Variants in TASP1 observed in about 807,000 individuals in gnomAD.
TASP1 encodes taspase 1, also known as threonine aspartase 1.
TASP1 carries 16 observed loss-of-function variants against 56.6 expected under a neutral mutation model. The observed-to-expected ratio is 0.28, with a 90% CI of 0.19 to 0.43. TASP1 has a LOEUF of 0.43. TASP1 is among the 20% of genes least tolerant of loss of function. TASP1 has a pLI of 1.00. For missense variants in TASP1, 393 were observed against 511.6 expected (o/e 0.77, Z 2.24); for synonymous variants, 179 against 184.2 (o/e 0.97, Z 0.23).
At chr20:13,624,635 A>C (rs2048823589) in intron 3 of TASP1, among the ~76,000 whole-genome samples, 1 of 152,170 alleles carries the variant, frequency 6.6e-6, no homozygotes, top group Non-Finnish European at 1.5e-5. Context: ...AAAAACAAAC[A>C]TTTCTTCTGA....
the TASP1 span, among the ~76,000 whole-genome samples, chr20:13,281,092 A>C: frequency 6.6e-6 from 1 of 152,242 alleles, no homozygotes; most frequent in African/African-American, 2.4e-5. Context: ...GCAAAAGAAC[A>C]AGACAAAAAT....
At chr20:13,421,568 T>C (rs976196805) in intron 12 of TASP1, among the ~76,000 whole-genome samples, 7 of 152,172 alleles carry the variant, frequency 4.6e-5, no homozygotes, top group Non-Finnish European at 1.5e-5. Context: ...GGAATATGAA[T>C]GGCTCTAAAA....
At chr20:13,146,679 C>T in the TASP1 span, among the ~76,000 whole-genome samples, 95 of 152,276 alleles carry the variant, frequency 6.2e-4, 1 homozygote, top group Middle Eastern at 3.4e-3. Context: ...ATCTGCCTTG[C>T]CTCCTGTTAG....
At chr20:13,606,949 G>A (rs968620580) in intron 4 of TASP1, among the ~76,000 whole-genome samples, 2 of 151,898 alleles carry the variant, frequency 1.3e-5, no homozygotes, top group Admixed American at 6.6e-5. Context: ...GATATAAACA[G>A]AGTAATTATT....
At chr20:13,274,000 C>T in the TASP1 span, among the ~76,000 whole-genome samples, 3 of 151,964 alleles carry the variant, frequency 2.0e-5, no homozygotes, top group Non-Finnish European at 4.4e-5. Flanking sequence ...GAAAGATGTT[C>T]AAAGAAAGAA....
At chr20:13,561,981 G>C (rs1351541385) in intron 7 of TASP1, among the ~76,000 whole-genome samples, 1 of 152,094 alleles carries the variant, frequency 6.6e-6, no homozygotes, top group Non-Finnish European at 1.5e-5. Flanking sequence ...TTCGACAACA[G>C]AATTCACATT....
At chr20:13,347,122 C>T in the TASP1 span, among the ~76,000 whole-genome samples, 2 of 152,310 alleles carry the variant, frequency 1.3e-5, no homozygotes, top group South Asian at 2.1e-4. Flanking sequence ...GTGTACAGTA[C>T]GATGCTGTTT....
chr20:13,193,480 A>T, the TASP1 span, among the ~76,000 whole-genome samples: 3 of 152,232 alleles, frequency 2.0e-5, no homozygotes, highest in Admixed American at 6.5e-5. Flanking sequence ...CCATCAAAAC[A>T]TACAAAAACA....
chr20:13,198,493 T>C, the TASP1 span, among the ~76,000 whole-genome samples: 1 of 152,186 alleles, frequency 6.6e-6, no homozygotes, highest in Admixed American at 6.5e-5. Flanking sequence ...TACTATCACA[T>C]TGAGGGTTAG....
At chr20:13,295,002 A>T in the TASP1 span, among the ~76,000 whole-genome samples, 2 of 151,868 alleles carry the variant, frequency 1.3e-5, no homozygotes, top group Non-Finnish European at 2.9e-5. Flanking sequence ...GACATGCCCA[A>T]TTTTTCTCTT....
At chr20:13,273,869 G>T in the TASP1 span, among the ~76,000 whole-genome samples, 5 of 152,200 alleles carry the variant, frequency 3.3e-5, no homozygotes, top group African/African-American at 1.2e-4. Flanking sequence ...ATACAGAGGG[G>T]TGGAGGGTGG....
At chr20:13,632,103 G>C (rs992013360) in intron 1 of TASP1, among the ~76,000 whole-genome samples, 3 of 147,942 alleles carry the variant, frequency 2.0e-5, no homozygotes, top group Admixed American at 6.8e-5. Context: ...AGTGACTCAC[G>C]CCTGTAATCC....
At chr20:13,110,310 A>G in the TASP1 span, 1 of 1,045,972 alleles carries the variant, frequency 9.6e-7, no homozygotes, top group Non-Finnish European at 1.4e-6. Flanking sequence ...AAACAGAGAA[A>G]TGACTTAGAA....
chr20:13,212,811 T>C, the TASP1 span, among the ~76,000 whole-genome samples: 2 of 152,204 alleles, frequency 1.3e-5, no homozygotes, highest in South Asian at 4.1e-4. Context: ...CTTATTCCTC[T>C]ACAAAGCTAT....
At chr20:13,179,806 A>G in the TASP1 span, among the ~76,000 whole-genome samples, 1 of 152,098 alleles carries the variant, frequency 6.6e-6, no homozygotes, top group Non-Finnish European at 1.5e-5. Flanking sequence ...AGAGCTGTCC[A>G]CTCTGGAGAG....
chr20:13,486,750 C>A (rs1366220379), intron 10 of TASP1, among the ~76,000 whole-genome samples: 1 of 152,178 alleles, frequency 6.6e-6, no homozygotes, highest in Non-Finnish European at 1.5e-5. Context: ...TATCTCTTGA[C>A]AAAATCATAC....
the TASP1 span, among the ~76,000 whole-genome samples, chr20:13,157,551 C>T: frequency 6.6e-6 from 1 of 152,096 alleles, no homozygotes; most frequent in Non-Finnish European, 1.5e-5. Context: ...ACAGCACAAC[C>T]TCTCAAGCTT....
At chr20:13,366,047 G>A in the TASP1 span, among the ~76,000 whole-genome samples, 5 of 152,304 alleles carry the variant, frequency 3.3e-5, no homozygotes, top group South Asian at 2.1e-4. Flanking sequence ...CTGGGCAAGC[G>A]AGAACAACAT....
chr20:13,440,190 A>G (rs2043165823), intron 11 of TASP1, among the ~76,000 whole-genome samples: 1 of 152,200 alleles, frequency 6.6e-6, no homozygotes, highest in Non-Finnish European at 1.5e-5. Context: ...TATTCAGCCA[A>G]AAGGTCAATA....
Sources: gnomAD v4.1 joint callset for allele counts (sites outside exome capture counted in the v4.1 genomes callset) on GRCh38, gnomAD v4.1.1 for gene constraint, MANE v1.5 for transcripts, NCBI Gene and HGNC (gene_info 2026-07-23, HGNC 2026-07-21) for gene names.